The following NELL1 variants were observed in gnomAD, a reference collection of about 807,000 sequenced individuals.
NELL1 encodes the protein neural EGFL like 1.
NELL1 carries 76 observed loss-of-function variants against 107.4 expected under a neutral mutation model. The observed-to-expected ratio is 0.71, with a 90% CI of 0.59 to 0.86. The LOEUF (loss-of-function observed/expected upper bound fraction) is 0.86, where lower values mean the gene tolerates loss of function less well. Among genes scored for constraint, NELL1 ranks in the 40% least tolerant of loss-of-function variants. NELL1 has a pLI of 0.00. For missense variants in NELL1, 1,024 were observed against 1,005.5 expected (o/e 1.02, Z -0.25); for synonymous variants, 353 against 341.2 (o/e 1.03, Z -0.38).
chr11:20,708,063 G>C (rs1455214915), intron 2 of NELL1, among the ~76,000 whole-genome samples: 1 of 152,248 alleles, frequency 6.6e-6, no homozygotes, highest in East Asian at 1.9e-4. Context: ...CCCTCTCCCA[G>C]CCTCGCTGCT....
intron 13 of NELL1, among the ~76,000 whole-genome samples, chr11:21,145,386 G>A (rs752205896): frequency 7.4e-4 from 112 of 152,098 alleles, no homozygotes; most frequent in Non-Finnish European, 1.2e-3. Context: ...TTTGCTAATG[G>A]CTTGGCAAAT....
intron 15 of NELL1, among the ~76,000 whole-genome samples, chr11:21,499,495 A>G (rs942359411): frequency 4.6e-5 from 7 of 152,054 alleles, no homozygotes; most frequent in African/African-American, 9.7e-5. Context: ...AAAATTGTCC[A>G]TATTATTTTT....
At chr11:21,225,619 G>A (rs569834234) in intron 13 of NELL1, among the ~76,000 whole-genome samples, 1 of 152,216 alleles carries the variant, frequency 6.6e-6, no homozygotes, top group South Asian at 2.1e-4. Flanking sequence ...CTTTGTCAGG[G>A]AGGTGAGTGC....
intron 13 of NELL1, among the ~76,000 whole-genome samples, chr11:21,149,553 C>T (rs993186137): frequency 6.6e-6 from 1 of 152,192 alleles, no homozygotes; most frequent in Non-Finnish European, 1.5e-5. Context: ...TCCCCTGCCC[C>T]ACATGATTCA....
intron 12 of NELL1, among the ~76,000 whole-genome samples, chr11:21,080,917 A>G (rs1381351421): frequency 6.6e-6 from 1 of 152,028 alleles, no homozygotes; most frequent in African/African-American, 2.4e-5. Context: ...ACGCACACAC[A>G]CACAGAGATA....
At chr11:20,783,326 A>G (rs948227633) in intron 2 of NELL1, among the ~76,000 whole-genome samples, 4 of 152,188 alleles carry the variant, frequency 2.6e-5, no homozygotes, top group Admixed American at 2.6e-4. Context: ...GTTTGCAGCA[A>G]ACTGAATTGC....
intron 3 of NELL1, among the ~76,000 whole-genome samples, chr11:20,808,303 C>G (rs1342269180): frequency 2.0e-5 from 3 of 152,168 alleles, no homozygotes. Context: ...CTAGAAATGT[C>G]ATCTGCGAGC....
At position 21,389,676 on chromosome 11, in the gene NELL1, A is replaced by T. The variant is rs779434935; in HGVS notation, c.1645+18728A>T. 2.6e-5 allele frequency among the ~76,000 whole-genome samples: 4 copies of T among 151,896 alleles called. No individual in the cohort carries two copies. The East Asian group carries it at 7.8e-4, about 30-fold the overall frequency. Reference sequence around the variant, plus strand: ...AATGTTGTACAAATCGAATCAGACTATAAGGCCTGTTTGTGTCCAGATCCT... The same window carrying T: ...AATGTTGTACAAATCGAATCAGACTTTAAGGCCTGTTTGTGTCCAGATCCT... On this transcript the variant is annotated intron_variant, in intron 15 of 19. Coordinates refer to ENST00000357134, the MANE Select transcript of NELL1 (RefSeq NM_006157.5).
At chr11:21,331,543 TC>T (rs1850273008) in intron 14 of NELL1, among the ~76,000 whole-genome samples, 1 of 152,222 alleles carries the variant, frequency 6.6e-6, no homozygotes, top group South Asian at 2.1e-4. Flanking sequence ...ACTCTTCCCT[TC>T]TTTGGTCTTG....
chr11:21,468,854 A>C (rs911214520), intron 15 of NELL1, among the ~76,000 whole-genome samples: 4 of 152,080 alleles, frequency 2.6e-5, no homozygotes, highest in Admixed American at 2.6e-4. Context: ...CACAGTAGAC[A>C]GGCCACACTT....
At chr11:21,530,307 T>C (rs1443651741) in intron 15 of NELL1, among the ~76,000 whole-genome samples, 4 of 152,070 alleles carry the variant, frequency 2.6e-5, no homozygotes, top group Admixed American at 2.0e-4. Context: ...CCTTTATTGG[T>C]TTTATAAATT....
chr11:21,214,966 A>T (rs1857583121), intron 13 of NELL1, among the ~76,000 whole-genome samples: 1 of 152,252 alleles, frequency 6.6e-6, no homozygotes, highest in Non-Finnish European at 1.5e-5. Flanking sequence ...AGACTAGTTA[A>T]CAGTAACATG....
At chr11:21,287,161 A>C (rs1259414528) in intron 14 of NELL1, among the ~76,000 whole-genome samples, 1 of 152,210 alleles carries the variant, frequency 6.6e-6, no homozygotes, top group African/African-American at 2.4e-5. Flanking sequence ...AGAAAAGCAA[A>C]TCATATCTGC....
chr11:20,918,638 C>T (rs1408861915), intron 6 of NELL1, among the ~76,000 whole-genome samples: 1 of 151,898 alleles, frequency 6.6e-6, no homozygotes, highest in Non-Finnish European at 1.5e-5. Context: ...GGTGAAACCC[C>T]TTATAAAACC....
intron 15 of NELL1, among the ~76,000 whole-genome samples, chr11:21,505,578 A>G (rs147190001): frequency 6.5e-4 from 99 of 152,214 alleles, no homozygotes; most frequent in African/African-American, 2.4e-3. Flanking sequence ...TGAACACTGT[A>G]TTTTATCCTG....
At chr11:21,214,529 A>T (rs569817752) in intron 13 of NELL1, among the ~76,000 whole-genome samples, 1 of 152,288 alleles carries the variant, frequency 6.6e-6, no homozygotes, top group East Asian at 1.9e-4. Flanking sequence ...AAAACAAAAA[A>T]TAGTGACAAC....
intron 14 of NELL1, among the ~76,000 whole-genome samples, chr11:21,358,134 T>C (rs1850981129): frequency 6.6e-6 from 1 of 152,158 alleles, no homozygotes; most frequent in South Asian, 2.1e-4. Flanking sequence ...GTGGGGTCTT[T>C]TTCGGTTCTA....
intron 4 of NELL1, among the ~76,000 whole-genome samples, chr11:20,848,245 T>C (rs1265417702): frequency 3.9e-5 from 6 of 152,210 alleles, no homozygotes; most frequent in African/African-American, 1.4e-4. Flanking sequence ...AAAGAGGCTG[T>C]TCTCTGAGCC....
chr11:21,452,087 G>A (rs568728268), intron 15 of NELL1, among the ~76,000 whole-genome samples: 89 of 152,100 alleles, frequency 5.9e-4, no homozygotes, highest in Non-Finnish European at 1.1e-3. Context: ...AAATTATTTT[G>A]GCATATGAAA....
Sources: allele counts gnomAD v4.1 joint callset (sites outside exome capture counted in the v4.1 genomes callset), GRCh38; gene constraint gnomAD v4.1.1; transcripts MANE v1.5; gene names NCBI Gene and HGNC (gene_info 2026-07-23, HGNC 2026-07-21).